Variants in DTNB observed in about 807,000 individuals in gnomAD.
DTNB encodes dystrobrevin beta, also known as DTN-B.
A neutral mutation model predicts 90.7 loss-of-function variants in DTNB; 63 were observed. The ratio of observed to expected loss-of-function variants is 0.69; its 90% confidence interval spans 0.57 to 0.86. The LOEUF (loss-of-function observed/expected upper bound fraction) is 0.86, where lower values mean the gene tolerates loss of function less well. Among genes scored for constraint, DTNB ranks in the 40% least tolerant of loss-of-function variants. The pLI is 0.00. For missense variants in DTNB, 744 were observed against 807.1 expected (o/e 0.92, Z 0.95); for synonymous variants, 277 against 286.7 (o/e 0.97, Z 0.34).
chr2:25,449,416 T>A (rs2058930773), intron 12 of DTNB, among the ~76,000 whole-genome samples: 1 of 152,242 alleles, frequency 6.6e-6, no homozygotes, highest in African/African-American at 2.4e-5. Context: ...TTTTCCAAAG[T>A]AGCTGTATGA....
intron 12 of DTNB, among the ~76,000 whole-genome samples, chr2:25,437,655 G>A (rs2056288933): frequency 6.6e-6 from 1 of 152,134 alleles, no homozygotes; most frequent in Admixed American, 6.5e-5. Flanking sequence ...GACACTGAAG[G>A]GAAAAAGACG....
chr2:25,572,512 A>G (rs977429042), intron 8 of DTNB, among the ~76,000 whole-genome samples: 3 of 151,414 alleles, frequency 2.0e-5, no homozygotes, highest in Admixed American at 6.6e-5. Context: ...CCTGCTCCCA[A>G]TATACAACGG....
At chr2:25,458,423 AAGAG>A (rs1019167882) in intron 10 of DTNB, among the ~76,000 whole-genome samples, 1 of 151,678 alleles carries the variant, frequency 6.6e-6, no homozygotes, top group Non-Finnish European at 1.5e-5. Flanking sequence ...AAAAAAAAAA[AAGAG>A]AGAGAGAAAT....
intron 15 of DTNB, among the ~76,000 whole-genome samples, chr2:25,423,111 C>T (rs185882096): frequency 6.6e-6 from 1 of 152,100 alleles, no homozygotes; most frequent in Non-Finnish European, 1.5e-5. Context: ...GCAGGAGACT[C>T]ACTTGAATCC....
chr2:25,425,676 C>T (rs994661279), intron 15 of DTNB, among the ~76,000 whole-genome samples: 1 of 152,222 alleles, frequency 6.6e-6, no homozygotes, highest in Non-Finnish European at 1.5e-5. Context: ...GGGGGCACTC[C>T]ACACTTTGTG....
At chr2:25,631,184 T>C (rs1003343903) in intron 3 of DTNB, among the ~76,000 whole-genome samples, 1 of 152,226 alleles carries the variant, frequency 6.6e-6, no homozygotes, top group Non-Finnish European at 1.5e-5. Context: ...GACTGTACAC[T>C]CTAAAAGGGT....
At chr2:25,456,353 T>C (rs1211323459) in intron 10 of DTNB, among the ~76,000 whole-genome samples, 2 of 152,170 alleles carry the variant, frequency 1.3e-5, no homozygotes, top group Admixed American at 6.5e-5. Flanking sequence ...ATCTATCAGA[T>C]AGTAAAAACA....
At position 25,424,557 on chromosome 2, in the gene DTNB, T is replaced by C. The variant is rs569598277; in HGVS notation, c.1554+2978A>G. ...TGCAGTTTACATAAACCTTTTGCCT[T>C]TTACAAAAATCACACTGGGGCACTG... is the stretch of plus-strand genomic sequence containing the variant. On this transcript the variant is annotated intron_variant, in intron 15 of 20. Coordinates refer to ENST00000406818, the MANE Select transcript of DTNB (RefSeq NM_021907.5). The surrounding 1 kb of genome is among the most constrained non-coding windows in gnomAD (Gnocchi z 4.1). 2.1e-4 allele frequency among the ~76,000 whole-genome samples: 32 copies of C among 152,238 alleles called. No homozygotes were observed. The highest frequency in any genetic ancestry group is 1.2e-3 in the Admixed American group (19 of 15,298).
chr2:25,668,625 C>T (rs892100803), intron 1 of DTNB, among the ~76,000 whole-genome samples: 7 of 152,164 alleles, frequency 4.6e-5, no homozygotes, highest in Admixed American at 2.0e-4. Flanking sequence ...CATACTAATG[C>T]AAGATGTTAA....
intron 12 of DTNB, among the ~76,000 whole-genome samples, chr2:25,437,520 C>T (rs987186376): frequency 2.0e-5 from 3 of 152,134 alleles, no homozygotes; most frequent in African/African-American, 7.2e-5. Context: ...CCTCGGCCTT[C>T]CCGAGTGCTG....
At chr2:25,390,999 C>T (rs1230160636) in intron 16 of DTNB, among the ~76,000 whole-genome samples, 3 of 151,516 alleles carry the variant, frequency 2.0e-5, no homozygotes, top group Non-Finnish European at 4.4e-5. Context: ...CGGGTTCACA[C>T]CATTCTCCTG....
chr2:25,425,300 A>T (rs916976785), intron 15 of DTNB, among the ~76,000 whole-genome samples: 2 of 152,160 alleles, frequency 1.3e-5, no homozygotes, highest in East Asian at 3.8e-4. Flanking sequence ...AACCACCACC[A>T]CCACCAACAC....
chr2:25,441,322 G>T (rs550579398), intron 12 of DTNB, among the ~76,000 whole-genome samples: 189 of 152,302 alleles, frequency 1.2e-3, no homozygotes, highest in African/African-American at 4.2e-3. Context: ...AGGTATCAGA[G>T]AATTCACTTG....
At chr2:25,421,374 A>G (rs2049632382) in intron 15 of DTNB, among the ~76,000 whole-genome samples, 1 of 152,216 alleles carries the variant, frequency 6.6e-6, no homozygotes, top group East Asian at 1.9e-4. Flanking sequence ...TGGATGCCTG[A>G]CCAAAGCCAA....
intron 9 of DTNB, among the ~76,000 whole-genome samples, chr2:25,524,113 C>T (rs2076662066): frequency 6.6e-6 from 1 of 151,996 alleles, no homozygotes; most frequent in Non-Finnish European, 1.5e-5. Context: ...GTTGGCCAGG[C>T]TGGTCTTGAG....
intron 12 of DTNB, among the ~76,000 whole-genome samples, chr2:25,450,231 C>G (rs1213648402): frequency 6.6e-6 from 1 of 152,150 alleles, no homozygotes; most frequent in Non-Finnish European, 1.5e-5. Flanking sequence ...TGGTATGAGG[C>G]AGGGGTTGAG....
intron 16 of DTNB, among the ~76,000 whole-genome samples, chr2:25,415,933 T>C (rs1463572720): frequency 6.6e-6 from 1 of 152,186 alleles, no homozygotes; most frequent in African/African-American, 2.4e-5. Context: ...CAGAGTTTCA[T>C]GAACCATTAC....
intron 9 of DTNB, among the ~76,000 whole-genome samples, chr2:25,487,871 C>A (rs2066520030): frequency 6.6e-6 from 1 of 152,178 alleles, no homozygotes; most frequent in Non-Finnish European, 1.5e-5. Context: ...CTTGTCCTAG[C>A]ACAAGGTGAG....
chr2:25,413,702 CA>C (rs2047182275), intron 16 of DTNB, among the ~76,000 whole-genome samples: 1 of 152,000 alleles, frequency 6.6e-6, no homozygotes, highest in Non-Finnish European at 1.5e-5. Flanking sequence ...GGGTTGGTTC[CA>C]AGTCTTTGCT....
Sources: gnomAD v4.1 joint callset for allele counts (sites outside exome capture counted in the v4.1 genomes callset) on GRCh38, gnomAD v4.1.1 for gene constraint, Gnocchi (gnomAD v3.1) non-coding constraint, MANE v1.5 for transcripts, NCBI Gene and HGNC (gene_info 2026-07-23, HGNC 2026-07-21) for gene names.